Variants in COX10 observed in about 807,000 individuals in gnomAD.
The protein encoded by COX10 is protoheme IX farnesyltransferase, mitochondrial.
COX10 carries 27 observed loss-of-function variants against 37.3 expected under a neutral mutation model. That is an observed-to-expected ratio of 0.72 (90% CI 0.53 to 1.00). COX10 has a LOEUF of 1.00. COX10 is among the 50% of genes least tolerant of loss of function. The pLI is 0.00. For synonymous variants in COX10, 222 were observed against 229.1 expected (o/e 0.97, Z 0.28); for missense variants, 475 against 563.2 (o/e 0.84, Z 1.59).
chr17:14,138,464 A>G (rs1904444784), intron 4 of COX10, among the ~76,000 whole-genome samples: 1 of 152,184 alleles, frequency 6.6e-6, no homozygotes, highest in African/African-American at 2.4e-5. Context: ...TCTCCATAGT[A>G]TCCTCCTAAT....
rs566837932 is a variant in COX10 at position 14,183,910 on chromosome 17, G to C, written c.696-8079G>C. On this transcript the variant is annotated intron_variant, in intron 5 of 6. Coordinates refer to ENST00000261643, the MANE Select transcript of COX10 (RefSeq NM_001303.4). ...AACTCTTGCTGTTTTGTTCACTGCT[G>C]TACAGCTACACTTAGCATAGTGGCT... is the stretch of plus-strand genomic sequence containing the variant. Among the ~76,000 whole-genome samples, 10 of 152,220 alleles carry C rather than the reference G, an allele frequency of 6.6e-5. No homozygotes were observed. The East Asian group carries it at 1.7e-3, about 26-fold the overall frequency.
chr17:14,167,186 A>G (rs1462463898), intron 5 of COX10, among the ~76,000 whole-genome samples: 1 of 152,180 alleles, frequency 6.6e-6, no homozygotes, highest in Admixed American at 6.5e-5. Context: ...TAGCAAGAGA[A>G]TGAGAATTAG....
chr17:14,208,127 G>T lies in COX10; in HGVS notation c.*914G>T, dbSNP rs1354304662. ...GGTGTGCTGGGCTAACCAGCCCACA[G>T]AGCTCACATTCCTGTCCCTTGGGTG... On this transcript the variant is annotated 3_prime_UTR_variant, in exon 7 of 7. Transcript: ENST00000261643. The T allele has an allele frequency of 6.6e-6, 1 of 152,246 alleles. No individual in the cohort carries two copies. Among genetic ancestry groups the T allele is most frequent in the Non-Finnish European group, 1.5e-5 (1 of 68,058 alleles). 9.4% of individuals were successfully genotyped at this position (152,246 alleles called of 1,614,324 possible).
intron 5 of COX10, among the ~76,000 whole-genome samples, chr17:14,181,401 AG>A (rs1206965762): frequency 2.0e-5 from 3 of 151,452 alleles, no homozygotes; most frequent in Non-Finnish European, 2.9e-5. Flanking sequence ...CCTGGTCCCA[AG>A]GGGCAGGTAA....
chr17:14,177,962 C>CA lies in COX10; in HGVS notation c.696-14026dup, dbSNP rs983167839. 3.3e-5 allele frequency among the ~76,000 whole-genome samples: 3 copies of CA among 91,896 alleles called. 1 individual carries two copies. The highest frequency in any genetic ancestry group is 1.0e-4 in the African/African-American group (3 of 29,320). 60.3% of individuals were successfully genotyped at this position (91,896 alleles called of 152,430 possible). On this transcript the variant is annotated intron_variant, in intron 5 of 6. Transcript: ENST00000261643. Reference sequence around the variant, plus strand: ...ACCCATGGCTTCCATTCTGGATACTCACACTGGTAAGTGGGACTTGGCAGA... The same window carrying CA: ...ACCCATGGCTTCCATTCTGGATACTCAACACTGGTAAGTGGGACTTGGCAGA...
Position 14,102,186 on chromosome 17 carries a change from C to T in COX10, c.568C>T (p.Leu190=). The change falls in exon 4 of 7, where the codon CTG becomes TTG. Residue 190 remains leucine, a synonymous_variant. Transcript: ENST00000261643. ...APGPFDWPCF[L]LTSVGTGLAS... ...GGGCCCTTTTGACTGGCCCTGTTTC[C>T]TGCTTACTTCTGTTGGGACAGGCCT... 1 of 1,613,758 alleles carries T rather than the reference C, an allele frequency of 6.2e-7. No homozygotes were observed. The highest frequency in any genetic ancestry group is 1.3e-5 in the African/African-American group (1 of 75,002).
intron 5 of COX10, among the ~76,000 whole-genome samples, chr17:14,166,596 AAAG>A (rs1905288862): frequency 2.0e-5 from 3 of 150,366 alleles, no homozygotes; most frequent in Non-Finnish European, 4.4e-5. Flanking sequence ...CTCATGGATC[AAAG>A]AGTCAATTCG....
intron 4 of COX10, among the ~76,000 whole-genome samples, chr17:14,151,489 T>C (rs1287026577): frequency 6.6e-6 from 1 of 151,372 alleles, no homozygotes; most frequent in Non-Finnish European, 1.5e-5. Context: ...GTATCTTTTT[T>C]CATCCAGATG....
chr17:14,119,775 T>C (rs1269859089), intron 4 of COX10, among the ~76,000 whole-genome samples: 2 of 151,722 alleles, frequency 1.3e-5, no homozygotes, highest in East Asian at 3.9e-4. Context: ...GAAAGGAGAG[T>C]GTTGAGTGAG....
chr17:14,149,003 CAT>C lies in COX10; in HGVS notation c.625-10868_625-10867del, dbSNP rs370192832. Among the ~76,000 whole-genome samples the C allele has an allele frequency of 3.5e-4, 51 of 147,606 alleles. 1 individual carries two copies. The East Asian group carries it at 9.6e-3, about 28-fold the overall frequency. On this transcript the variant is annotated intron_variant, in intron 4 of 6. Transcript: ENST00000261643. ...TATAAAATGTATTGTTAGTCTATAA[CAT>C]ATATAACAATATATTTATAATATAT...
At chr17:14,125,302 T>C (rs1916316621) in intron 4 of COX10, among the ~76,000 whole-genome samples, 1 of 152,168 alleles carries the variant, frequency 6.6e-6, no homozygotes, top group Non-Finnish European at 1.5e-5. Context: ...TTGATAAAAA[T>C]GTAAGAAAAT....
At chr17:14,104,127 A>G (rs929757766) in intron 4 of COX10, among the ~76,000 whole-genome samples, 1 of 152,070 alleles carries the variant, frequency 6.6e-6, no homozygotes, top group Non-Finnish European at 1.5e-5. Context: ...CTTGTGGTAC[A>G]AGTGAATTTC....
chr17:14,110,952 C>A (rs1234573645), intron 4 of COX10, among the ~76,000 whole-genome samples: 4 of 152,062 alleles, frequency 2.6e-5, no homozygotes, highest in Non-Finnish European at 5.9e-5. Flanking sequence ...GAATTCTAAA[C>A]TGAGCCCCCA....
At chr17:14,070,942 CT>C (rs1158645906) in intron 1 of COX10, among the ~76,000 whole-genome samples, 4 of 152,114 alleles carry the variant, frequency 2.6e-5, no homozygotes, top group African/African-American at 9.7e-5. Flanking sequence ...ATTGTTGAAG[CT>C]TGGGGATAAG....
intron 4 of COX10, among the ~76,000 whole-genome samples, chr17:14,128,928 C>A (rs1916402915): frequency 6.6e-6 from 1 of 152,198 alleles, no homozygotes; most frequent in Admixed American, 6.5e-5. Flanking sequence ...CCCACTGCAA[C>A]CTCTGCCTCC....
intron 4 of COX10, among the ~76,000 whole-genome samples, chr17:14,158,630 C>T (rs1417028140): frequency 6.6e-6 from 1 of 152,064 alleles, no homozygotes; most frequent in African/African-American, 2.4e-5. Flanking sequence ...AAATCTGTTA[C>T]TTACGTTTCT....
intron 4 of COX10, among the ~76,000 whole-genome samples, chr17:14,112,934 A>C (rs1916036080): frequency 6.6e-6 from 1 of 152,122 alleles, no homozygotes; most frequent in Non-Finnish European, 1.5e-5. Flanking sequence ...TGCTTTGCTA[A>C]AGCAACCAGA....
intron 4 of COX10, among the ~76,000 whole-genome samples, chr17:14,116,585 T>A (rs1455682104): frequency 6.6e-6 from 1 of 152,152 alleles, no homozygotes; most frequent in Non-Finnish European, 1.5e-5. Flanking sequence ...GAGTCATCAA[T>A]GACTCCTGGT....
chr17:14,075,645 G>A (rs1396161555), intron 2 of COX10, among the ~76,000 whole-genome samples: 1 of 152,044 alleles, frequency 6.6e-6, no homozygotes, highest in African/African-American at 2.4e-5. Context: ...CTAGTAAGTG[G>A]TAGAGACTGA....
Sources: gnomAD v4.1 joint callset for allele counts (sites outside exome capture counted in the v4.1 genomes callset) on GRCh38, gnomAD v4.1.1 for gene constraint, MANE v1.5 for transcripts, NCBI Gene and HGNC (gene_info 2026-07-23, HGNC 2026-07-21) for gene names.